The following SORCS1 variants were observed in gnomAD, a reference collection of about 807,000 sequenced individuals.
The protein encoded by SORCS1 is VPS10 domain-containing receptor SorCS1.
SORCS1 carries 60 observed loss-of-function variants against 146.1 expected under a neutral mutation model. The observed-to-expected ratio is 0.41, with a 90% confidence interval of 0.33 to 0.51. SORCS1 has a LOEUF of 0.51. Ranked by LOEUF, SORCS1 falls within the 20% of genes least tolerant of loss-of-function variation. The pLI is 0.21. For missense variants in SORCS1, 1,352 were observed against 1,487.6 expected (o/e 0.91, Z 1.50); for synonymous variants, 637 against 584.0 (o/e 1.09, Z -1.31).
chr10:106,608,454 T>G (rs1010417613), intron 22 of SORCS1, among the ~76,000 whole-genome samples: 2 of 152,246 alleles, frequency 1.3e-5, no homozygotes, highest in Non-Finnish European at 2.9e-5. Context: ...TGCTGCATTT[T>G]TTTTTGAAGT....
intron 2 of SORCS1, among the ~76,000 whole-genome samples, chr10:106,887,576 C>A (rs911188592): frequency 6.6e-6 from 1 of 151,790 alleles, no homozygotes; most frequent in African/African-American, 2.4e-5. Flanking sequence ...GACTCCATCT[C>A]AAAAATAAAT....
intron 1 of SORCS1, among the ~76,000 whole-genome samples, chr10:107,134,292 T>C (rs1213827920): frequency 2.0e-5 from 3 of 152,236 alleles, no homozygotes; most frequent in Admixed American, 6.5e-5. Context: ...TTTTAACTCC[T>C]ACTGACCAGC....
chr10:106,999,471 A>G (rs965509001), intron 1 of SORCS1, among the ~76,000 whole-genome samples: 5 of 152,268 alleles, frequency 3.3e-5, no homozygotes, highest in Admixed American at 1.3e-4. Context: ...TACCATTTAT[A>G]GCACCATTTG....
chr10:106,968,946 G>A lies in SORCS1; in HGVS notation c.559-12366C>T, dbSNP rs187744401. On this transcript the variant is annotated intron_variant, in intron 1 of 25. Transcript: ENST00000263054. The stretch of plus-strand genomic sequence containing the variant: ...TTATAGTCAATCAACAATAACAACT[G>A]ACTTCTCTATTAGCAGATCTTTTGT... 4.1e-4 allele frequency among the ~76,000 whole-genome samples: 63 copies of A among 152,268 alleles called. 1 individual carries two copies. The East Asian group carries it at 9.1e-3, about 22-fold the overall frequency.
At chr10:107,171,044 A>T in the SORCS1 span, among the ~76,000 whole-genome samples, 24 of 152,334 alleles carry the variant, frequency 1.6e-4, no homozygotes, top group East Asian at 4.6e-3. Context: ...TGTGAGACTG[A>T]TTTACCTGAG....
At chr10:106,672,017 C>T (rs996945666) in intron 15 of SORCS1, among the ~76,000 whole-genome samples, 2 of 152,200 alleles carry the variant, frequency 1.3e-5, no homozygotes, top group Admixed American at 6.5e-5. Context: ...TTCCAGCTAA[C>T]GCAGGGCCCA....
chr10:106,776,407 GCA>G (rs1362722110), intron 4 of SORCS1, 125 bp downstream of exon 4: 9 of 1,177,646 alleles, frequency 7.6e-6, no homozygotes, highest in Non-Finnish European at 1.1e-5. Context: ...TGTCCCATTA[GCA>G]CAGAGGTCAG....
intron 2 of SORCS1, among the ~76,000 whole-genome samples, chr10:106,926,852 CACACACACACACACAGAGAGAGAG>C (rs1564818423): frequency 1.1e-4 from 13 of 116,702 alleles, no homozygotes; most frequent in Non-Finnish European, 2.1e-4. Flanking sequence ...CACACACACA[CACACACACACACACAGAGAGAGAG>C]AGAGAGAGAG....
chr10:107,049,357 C>T (rs1344889035), intron 1 of SORCS1, among the ~76,000 whole-genome samples: 1 of 151,110 alleles, frequency 6.6e-6, no homozygotes, highest in Non-Finnish European at 1.5e-5. Context: ...CAGCATGGCA[C>T]ATGTATACAT....
chr10:106,706,213 G>A (rs201072081), intron 8 of SORCS1, among the ~76,000 whole-genome samples: 4 of 56,046 alleles, frequency 7.1e-5, no homozygotes, highest in African/African-American at 2.3e-4. Flanking sequence ...AAAGAAAAAA[G>A]AAAGAAAGAG....
intron 1 of SORCS1, among the ~76,000 whole-genome samples, chr10:107,158,503 C>T (rs1969462070): frequency 6.6e-6 from 1 of 152,210 alleles, no homozygotes; most frequent in Non-Finnish European, 1.5e-5. Flanking sequence ...AGTACCTACT[C>T]TACAATCCAG....
chr10:106,838,358 T>C (rs981484285), intron 2 of SORCS1, among the ~76,000 whole-genome samples: 1 of 152,186 alleles, frequency 6.6e-6, no homozygotes, highest in African/African-American at 2.4e-5. Context: ...TCCCTACACA[T>C]GCATAGCTTT....
At chr10:106,819,849 G>GAGAT (rs1947926258) in intron 3 of SORCS1, among the ~76,000 whole-genome samples, 1 of 152,192 alleles carries the variant, frequency 6.6e-6, no homozygotes, top group Non-Finnish European at 1.5e-5. Flanking sequence ...CTCTCTCTGA[G>GAGAT]AGATCTCCAG....
chr10:106,676,714 C>T (rs1034611314), intron 13 of SORCS1, among the ~76,000 whole-genome samples: 3 of 152,296 alleles, frequency 2.0e-5, no homozygotes, highest in Admixed American at 6.5e-5. Context: ...ACTGGCCCAA[C>T]TGTCCCATAG....
chr10:107,017,915 C>A (rs748916399), intron 1 of SORCS1, among the ~76,000 whole-genome samples: 6 of 152,176 alleles, frequency 3.9e-5, no homozygotes, highest in Non-Finnish European at 7.3e-5. Flanking sequence ...ATCCACCAGC[C>A]TTGGCCTCCC....
At chr10:106,758,744 G>A (rs777758694) in intron 5 of SORCS1, among the ~76,000 whole-genome samples, 17 of 152,288 alleles carry the variant, frequency 1.1e-4, no homozygotes, top group Non-Finnish European at 2.4e-4. Flanking sequence ...TAGTAAGAGA[G>A]GGAGAAAAAA....
chr10:107,116,734 G>T lies in SORCS1; in HGVS notation c.558+47235C>A, dbSNP rs191713009. ...ATTCCAGGGATCAAGTCTATGGCAA[G>T]GGTGGTAATGGATTTATTAATTAAT... is the stretch of plus-strand genomic sequence containing the variant. On this transcript the variant is annotated intron_variant, in intron 1 of 25. Transcript: ENST00000263054. Among the ~76,000 whole-genome samples, 12 of 152,230 alleles carry T rather than the reference G, an allele frequency of 7.9e-5. No individual in the cohort carries two copies. In the East Asian group the frequency reaches 2.3e-3, roughly 29 times the overall value.
At chr10:107,034,428 C>T (rs1737262106) in intron 1 of SORCS1, among the ~76,000 whole-genome samples, 1 of 151,632 alleles carries the variant, frequency 6.6e-6, no homozygotes, top group East Asian at 1.9e-4. Context: ...ACCTGTAATC[C>T]CAACACTTTG....
chr10:106,586,685 G>C (rs1299599064), intron 24 of SORCS1, among the ~76,000 whole-genome samples: 2 of 152,208 alleles, frequency 1.3e-5, no homozygotes, highest in African/African-American at 4.8e-5. Context: ...GCCAGGCATG[G>C]TGGCTCATGC....
Sources: allele counts gnomAD v4.1 joint callset (sites outside exome capture counted in the v4.1 genomes callset), GRCh38; gene constraint gnomAD v4.1.1; transcripts MANE v1.5; gene names NCBI Gene and HGNC (gene_info 2026-07-23, HGNC 2026-07-21).